Variants in SOX5 observed in about 807,000 individuals in gnomAD.
SOX5 encodes SRY-box transcription factor 5, also known as transcription factor SOX-5.
In SOX5, 9 loss-of-function variants were observed where a neutral mutation model predicts 92.0. The ratio of observed to expected loss-of-function variants is 0.10; its 90% confidence interval spans 0.06 to 0.17. The LOEUF (loss-of-function observed/expected upper bound fraction) is 0.17, where lower values mean the gene tolerates loss of function less well. Ranked by LOEUF, SOX5 falls within the 10% of genes least tolerant of loss-of-function variation. The pLI is 1.00. For missense variants in SOX5, 642 were observed against 944.5 expected (o/e 0.68, Z 4.20); for synonymous variants, 344 against 336.3 (o/e 1.02, Z -0.25).
chr12:24,533,104 T>C (rs1000690679), intron 1 of SOX5, among the ~76,000 whole-genome samples: 1 of 152,240 alleles, frequency 6.6e-6, no homozygotes, highest in Non-Finnish European at 1.5e-5. Context: ...GTTTTCTTCA[T>C]ACTTGTGATA....
intron 6 of SOX5, among the ~76,000 whole-genome samples, chr12:23,690,359 A>G (rs921494546): frequency 6.6e-6 from 1 of 152,166 alleles, no homozygotes; most frequent in Non-Finnish European, 1.5e-5. Context: ...ATAGAAAGAC[A>G]TATTCATTTA....
intron 2 of SOX5, among the ~76,000 whole-genome samples, chr12:24,366,914 G>A (rs947033641): frequency 2.0e-5 from 3 of 151,786 alleles, no homozygotes; most frequent in Non-Finnish European, 4.4e-5. Flanking sequence ...CAGAGAGAAA[G>A]CAAATGGGTA....
At chr12:24,238,468 C>T (rs1964949363) in intron 3 of SOX5, among the ~76,000 whole-genome samples, 1 of 152,198 alleles carries the variant, frequency 6.6e-6, no homozygotes, top group Admixed American at 6.5e-5. Flanking sequence ...CCTCCCACCT[C>T]AACCTCCAGA....
chr12:23,903,939 C>A (rs777612872), intron 1 of SOX5, among the ~76,000 whole-genome samples: 4 of 152,098 alleles, frequency 2.6e-5, no homozygotes, highest in African/African-American at 4.8e-5. Flanking sequence ...AATGAAACAA[C>A]AAACACTTTT....
At chr12:23,977,169 C>T (rs918855710) in intron 4 of SOX5, among the ~76,000 whole-genome samples, 1 of 152,094 alleles carries the variant, frequency 6.6e-6, no homozygotes, top group Admixed American at 6.6e-5. Flanking sequence ...TTAATTTACT[C>T]AAGATTAATT....
upstream of SOX5, among the ~76,000 whole-genome samples, chr12:23,955,194 T>C (rs1946139849): frequency 6.6e-6 from 1 of 152,074 alleles, no homozygotes; most frequent in Non-Finnish European, 1.5e-5. Context: ...AAGTATAGAG[T>C]ATACAGGAAA....
intron 4 of SOX5, among the ~76,000 whole-genome samples, chr12:24,086,745 G>T (rs1473626239): frequency 6.6e-6 from 1 of 151,912 alleles, no homozygotes; most frequent in Non-Finnish European, 1.5e-5. Context: ...CAGCAAAACA[G>T]TTAAGCTCTT....
chr12:24,277,272 A>C (rs1174379586), exon 3 of SOX5: 1 of 151,668 alleles, frequency 6.6e-6, no homozygotes, highest in Non-Finnish European at 1.5e-5. Context: ...GAATCTTGTC[A>C]ACAGATTCAA....
chr12:23,607,803 C>G (rs1028729450), intron 8 of SOX5, among the ~76,000 whole-genome samples: 5 of 152,058 alleles, frequency 3.3e-5, no homozygotes, highest in African/African-American at 1.2e-4. Flanking sequence ...GTATGTATGC[C>G]TGTATGTCTT....
At chr12:24,559,562 T>C (rs1309486751) in intron 1 of SOX5, among the ~76,000 whole-genome samples, 3 of 152,056 alleles carry the variant, frequency 2.0e-5, no homozygotes, top group Non-Finnish European at 4.4e-5. Context: ...CTGTAAGCAT[T>C]AGATCATATT....
chr12:23,925,477 T>C (rs1284878334), intron 1 of SOX5, among the ~76,000 whole-genome samples: 1 of 152,100 alleles, frequency 6.6e-6, no homozygotes, highest in Non-Finnish European at 1.5e-5. Flanking sequence ...ATTGGTAATT[T>C]AGTGATAGGT....
chr12:23,985,122 T>G (rs578075247), intron 4 of SOX5, among the ~76,000 whole-genome samples: 1 of 152,330 alleles, frequency 6.6e-6, no homozygotes, highest in Non-Finnish European at 1.5e-5. Flanking sequence ...AAGCCTCAAG[T>G]GCATCATTTT....
intron 3 of SOX5, among the ~76,000 whole-genome samples, chr12:23,839,972 C>A: frequency 7.0e-6 from 1 of 143,134 alleles, no homozygotes; most frequent in Non-Finnish European, 1.5e-5. Context: ...ACTGAAACTC[C>A]TAGCTAACTC....
At chr12:24,327,645 G>A (rs531047553) in intron 2 of SOX5, among the ~76,000 whole-genome samples, 4 of 151,592 alleles carry the variant, frequency 2.6e-5, no homozygotes, top group East Asian at 3.9e-4. Context: ...GTGCAGTGGC[G>A]CATTCTCCGC....
rs531794857 is a variant in SOX5 at position 23,944,645 on chromosome 12, T to C, written c.38+4919A>G. ...TCTAGCAATATCACTTGATCCTGTT[T>C]ATCTACATAGCAATCAAATTTCACA... On this transcript the variant is annotated intron_variant, in intron 1 of 14. Transcript: ENST00000451604. Among the ~76,000 whole-genome samples the C allele has an allele frequency of 2.6e-5, 4 of 152,270 alleles. No homozygotes were observed. The East Asian group carries it at 7.7e-4, about 29-fold the overall frequency.
intron 3 of SOX5, among the ~76,000 whole-genome samples, chr12:24,215,652 A>G (rs2139728018): frequency 6.6e-6 from 1 of 152,328 alleles, no homozygotes; most frequent in East Asian, 1.9e-4. Context: ...AAAACTTAAT[A>G]TTCTTAAAAT....
intron 4 of SOX5, among the ~76,000 whole-genome samples, chr12:23,990,025 A>G (rs1479235159): frequency 1.3e-5 from 2 of 152,148 alleles, no homozygotes; most frequent in African/African-American, 4.8e-5. Flanking sequence ...ATTATTAACC[A>G]CAATATAATT....
At position 24,335,987 on chromosome 12, in the gene SOX5, A is replaced by ATATATATATC. The variant is rs1555235765; in HGVS notation, c.-174+32575_-174+32576insGATATATATA. ...GAAATGCTATCATATATATATATAT[A>ATATATATATC]TCCATAATATTAAATTTTTCTTGTT... On this transcript the variant is annotated intron_variant, in intron 2 of 4. Coordinates refer to the SOX5 transcript ENST00000446891. Among the ~76,000 whole-genome samples, 9 of 134,360 alleles carry ATATATATATC rather than the reference A, an allele frequency of 6.7e-5. 1 individual carries two copies. In the East Asian group the frequency reaches 1.1e-3, roughly 16 times the overall value. The allele number at this position is 134,360 out of a possible 152,430, so 88.1% of individuals were successfully genotyped here.
chr12:24,424,892 C>G lies in SOX5; in HGVS notation c.-250-56253G>C, dbSNP rs1217008928. ...AAAAAAATCCTTCTGAGACAGCTGA[C>G]ATACTGGGGAGACCATCTGCCTGCC... On this transcript the variant is annotated intron_variant, in intron 1 of 4. Coordinates refer to the SOX5 transcript ENST00000446891. Among the ~76,000 whole-genome samples, 4 of 149,254 alleles carry G rather than the reference C, an allele frequency of 2.7e-5. No homozygotes were observed. In the East Asian group the frequency reaches 6.0e-4, roughly 23 times the overall value.
Sources: allele counts gnomAD v4.1 joint callset (sites outside exome capture counted in the v4.1 genomes callset), GRCh38; gene constraint gnomAD v4.1.1; transcripts MANE v1.5; gene names NCBI Gene and HGNC (gene_info 2026-07-23, HGNC 2026-07-21).